UPP2: variants seen among roughly 807,000 people sequenced by gnomAD.
The protein encoded by UPP2 is UPase 2.
UPP2 carries 23 observed loss-of-function variants against 26.7 expected under a neutral mutation model. The observed-to-expected ratio is 0.86, with a 90% CI of 0.62 to 1.22. UPP2 has a LOEUF of 1.22. UPP2 is among the 50% of genes most tolerant of loss of function. The pLI is 0.00. For missense variants in UPP2, 387 were observed against 396.7 expected (o/e 0.98, Z 0.21); for synonymous variants, 127 against 141.3 (o/e 0.90, Z 0.72).
intron 3 of UPP2, among the ~76,000 whole-genome samples, chr2:158,019,696 CAGAGAG>C (rs1185742691): frequency 6.9e-6 from 1 of 145,088 alleles, no homozygotes; most frequent in South Asian, 2.2e-4. Context: ...ACAAGAAAGA[CAGAGAG>C]AGAGAGAGAA....
At chr2:158,037,848 G>C (rs556112108) in intron 3 of UPP2, among the ~76,000 whole-genome samples, 1 of 149,766 alleles carries the variant, frequency 6.7e-6, no homozygotes, top group Admixed American at 6.7e-5. Flanking sequence ...TTTTTGGGGG[G>C]TGGGGGGAGA....
At chr2:158,028,027 C>A (rs1683862887) in intron 3 of UPP2, among the ~76,000 whole-genome samples, 1 of 152,178 alleles carries the variant, frequency 6.6e-6, no homozygotes, top group Non-Finnish European at 1.5e-5. Context: ...GGCCTCTGGG[C>A]CTGTGTTGGG....
chr2:158,038,278 A>C (rs1558911186), intron 3 of UPP2, among the ~76,000 whole-genome samples: 1 of 152,250 alleles, frequency 6.6e-6, no homozygotes. Context: ...ATGGAGAAAC[A>C]GAAAAGAAAA....
At chr2:158,075,146 A>G (rs186848436) in intron 3 of UPP2, among the ~76,000 whole-genome samples, 5 of 152,244 alleles carry the variant, frequency 3.3e-5, no homozygotes, top group Non-Finnish European at 5.9e-5. Flanking sequence ...TGAGCTAAGG[A>G]GAGAGATAGA....
At chr2:158,107,253 A>G (rs1683215049) in intron 2 of UPP2, among the ~76,000 whole-genome samples, 1 of 152,228 alleles carries the variant, frequency 6.6e-6, no homozygotes, top group Admixed American at 6.5e-5. Flanking sequence ...CGCTGTTTTC[A>G]TCTGACTTTT....
intron 3 of UPP2, among the ~76,000 whole-genome samples, chr2:158,016,936 A>G (rs1683668932): frequency 6.6e-6 from 1 of 152,198 alleles, no homozygotes; most frequent in Non-Finnish European, 1.5e-5. Flanking sequence ...AGGGCCATCT[A>G]TGCTTTTTAG....
chr2:158,082,252 G>T (rs1682739423), intron 3 of UPP2, among the ~76,000 whole-genome samples: 2 of 152,098 alleles, frequency 1.3e-5, no homozygotes, highest in South Asian at 4.1e-4. Context: ...ACCTGGTCTG[G>T]TTACATGAAT....
Position 158,121,547 on chromosome 2 carries a change from A to T in UPP2, c.593A>T (p.Asn198Ile), listed in dbSNP as rs1457216305. 1.9e-6 allele frequency: 3 copies of T among 1,613,534 alleles called. No individual in the cohort carries two copies. Among genetic ancestry groups the T allele is most frequent in the Non-Finnish European group, 2.5e-6 (3 of 1,179,498 alleles). Residue 198 changes from asparagine (N) to isoleucine (I), a missense_variant, in exon 5 of 7, where the codon AAC (asparagine) becomes ATC (isoleucine). Coordinates refer to ENST00000005756, the MANE Select transcript of UPP2 (RefSeq NM_173355.4). The stretch of plus-strand genomic sequence containing the variant: ...AAAGAACTGTCTGAAGAACTGTTCA[A>T]CTGTAGCAAAGAAATCCCCAACTTC... Reference protein sequence around the residue: ...LDKELSEELFNCSKEIPNFPT... With the variant: ...LDKELSEELFICSKEIPNFPT...
At chr2:158,130,367 C>T (rs557320276) in intron 6 of UPP2, among the ~76,000 whole-genome samples, 4 of 150,458 alleles carry the variant, frequency 2.7e-5, no homozygotes, top group South Asian at 2.2e-4. Flanking sequence ...AGGAGAATGG[C>T]GTGAACCCAG....
At chr2:158,065,850 C>T in intron 3 of UPP2, 1 of 663,262 alleles carries the variant, frequency 1.5e-6, no homozygotes, top group Non-Finnish European at 2.8e-6. Flanking sequence ...TACTGCTGTT[C>T]ATTGCATTGC....
At chr2:158,089,548 C>A (rs1682873001) in intron 3 of UPP2, among the ~76,000 whole-genome samples, 1 of 152,238 alleles carries the variant, frequency 6.6e-6, no homozygotes, top group African/African-American at 2.4e-5. Flanking sequence ...GAAATTGTTA[C>A]AAAGTTCAGC....
intron 3 of UPP2, among the ~76,000 whole-genome samples, chr2:158,056,391 T>A: frequency 6.6e-6 from 1 of 152,200 alleles, no homozygotes; most frequent in East Asian, 1.9e-4. Context: ...TTCAGATGTC[T>A]TTGTTTTGTT....
chr2:158,028,641 CT>C (rs992977792), intron 3 of UPP2, among the ~76,000 whole-genome samples: 1 of 152,186 alleles, frequency 6.6e-6, no homozygotes, highest in African/African-American at 2.4e-5. Context: ...CACCCCATTT[CT>C]GGTACCAACT....
chr2:158,100,439 T>C (rs1203169020), upstream of UPP2, among the ~76,000 whole-genome samples: 1 of 152,196 alleles, frequency 6.6e-6, no homozygotes. Flanking sequence ...CAGAGGTAAA[T>C]GCCAGATTGA....
Position 158,102,005 on chromosome 2 carries a change from G to A in UPP2, c.-59G>A. ...GACTAGGTCTATAATTTAATAACAAGTCACAATATCTCTCTTTCTTGACAT... is the reference window on the plus strand; with the variant it reads ...GACTAGGTCTATAATTTAATAACAAATCACAATATCTCTCTTTCTTGACAT... On this transcript the variant is annotated 5_prime_UTR_variant, in exon 1 of 7. Transcript: ENST00000005756. 1 of 1,604,316 alleles carries A rather than the reference G, an allele frequency of 6.2e-7. No individual in the cohort carries two copies. The highest frequency in any genetic ancestry group is 8.5e-7 in the Non-Finnish European group (1 of 1,176,442).
At chr2:158,058,373 GCTCTCTCTCTCT>G (rs869246675) in intron 3 of UPP2, among the ~76,000 whole-genome samples, 7 of 37,604 alleles carry the variant, frequency 1.9e-4, no homozygotes, top group Admixed American at 3.3e-4. Flanking sequence ...ATGCTTGTAT[GCTCTCTCTCTCT>G]CTCTCTCTCT....
In UPP2 at chr2:158,077,481, C is replaced by T. The variant is rs534332372; in HGVS notation, c.148-24559C>T. Among the ~76,000 whole-genome samples, 4 of 152,052 alleles carry T rather than the reference C, an allele frequency of 2.6e-5. No homozygotes were observed. In the East Asian group the frequency reaches 7.7e-4, roughly 29 times the overall value. ...TGGAACAGAATAAAGAACCCAGAAA[C>T]TAATCCATACACTTACAGTGAACTC... On this transcript the variant is annotated intron_variant, in intron 3 of 9. Coordinates refer to the UPP2 transcript ENST00000605860.
chr2:158,021,244 AC>A (rs903459508), intron 3 of UPP2, among the ~76,000 whole-genome samples: 5 of 152,228 alleles, frequency 3.3e-5, no homozygotes, highest in African/African-American at 1.2e-4. Flanking sequence ...GAAGTCAAGA[AC>A]CCTAATTTTT....
chr2:158,083,850 T>TCA (rs1682768814), intron 3 of UPP2, among the ~76,000 whole-genome samples: 1 of 144,000 alleles, frequency 6.9e-6, no homozygotes, highest in South Asian at 2.2e-4. Flanking sequence ...TTATGTCTGT[T>TCA]TATATATATA....
Sources: allele counts gnomAD v4.1 joint callset (sites outside exome capture counted in the v4.1 genomes callset), GRCh38; gene constraint gnomAD v4.1.1; transcripts MANE v1.5; gene names NCBI Gene and HGNC (gene_info 2026-07-23, HGNC 2026-07-21).